UGGT2: variants seen among roughly 807,000 people sequenced by gnomAD.
UGGT2 encodes the protein UDP-glucose:glycoprotein glucosyltransferase 2.
In UGGT2, 180 loss-of-function variants were observed where a neutral mutation model predicts 192.1. The ratio of observed to expected loss-of-function variants is 0.94; its 90% CI spans 0.83 to 1.06. The LOEUF (loss-of-function observed/expected upper bound fraction) is 1.06. UGGT2 is among the 50% of genes least tolerant of loss of function. The pLI, the probability that UGGT2 is intolerant of heterozygous loss-of-function variation, is 0.00. For synonymous variants in UGGT2, 580 were observed against 591.0 expected, an observed-to-expected ratio of 0.98 and a Z score of 0.27; for missense variants, 1,849 against 1,795.7, an observed-to-expected ratio of 1.03 and a Z score of -0.54.
At chr13:95,853,741 C>T (rs1400906088) in intron 35 of UGGT2, 84 bp from the exon 36 acceptor site, 13 of 829,680 alleles carry the variant, frequency 1.6e-5, no homozygotes, top group South Asian at 3.8e-5. Context: ...TCTACAGTGA[C>T]GGTATTAACT....
intron 7 of UGGT2, among the ~76,000 whole-genome samples, chr13:95,995,074 A>G (rs1288167791): frequency 1.3e-5 from 2 of 152,136 alleles, no homozygotes; most frequent in Admixed American, 1.3e-4. Flanking sequence ...TAATGAAAAA[A>G]ACTTCCATCT....
chr13:95,877,127 C>T, intron 29 of UGGT2, 152 bp downstream of exon 29: 1 of 461,638 alleles, frequency 2.2e-6, no homozygotes, highest in African/African-American at 3.1e-5. Context: ...TGTGATCTGC[C>T]TGCCTCGGCC....
In UGGT2 at chr13:95,970,119, G is replaced by A. The variant is rs1305056533; in HGVS notation, c.1328C>T (p.Ser443Phe). 1 of 1,605,792 alleles carries A rather than the reference G, an allele frequency of 6.2e-7. No homozygotes were observed. Among genetic ancestry groups the A allele is most frequent in the East Asian group, 2.2e-5 (1 of 44,726 alleles). Residue 443 changes from serine (S) to phenylalanine (F), a missense_variant, in exon 12 of 39, where the codon TCT becomes TTT. Physicochemically the swap from Ser to Phe is radical, Grantham distance 155. Transcript: ENST00000376747. ...AATAGCATAAGCACTTACCATTATAGAAGAATGTCGAATATCTAATACATA... is the reference window on the plus strand; with the variant it reads ...AATAGCATAAGCACTTACCATTATAAAAGAATGTCGAATATCTAATACATA... ...YTYVLDIRHSSIMWINDLEND... is the reference protein window; with the variant it reads ...YTYVLDIRHSFIMWINDLEND...
chr13:95,902,733 A>G (rs2048143888), intron 21 of UGGT2, 121 bp downstream of exon 21: 2 of 945,120 alleles, frequency 2.1e-6, no homozygotes, highest in African/African-American at 3.3e-5. Flanking sequence ...TTGAAAAGGA[A>G]TGTTTATTAT....
intron 38 of UGGT2, among the ~76,000 whole-genome samples, chr13:95,811,454 G>A (rs906675647): frequency 6.6e-6 from 1 of 152,156 alleles, no homozygotes; most frequent in Non-Finnish European, 1.5e-5. Context: ...GTTGTTCAGG[G>A]TCAGGGAGAT....
intron 5 of UGGT2, among the ~76,000 whole-genome samples, chr13:96,010,044 T>G (rs904427560): frequency 6.6e-6 from 1 of 152,148 alleles, no homozygotes; most frequent in Non-Finnish European, 1.5e-5. Flanking sequence ...ACACTGCCGG[T>G]GGTACTGTAA....
chr13:95,813,245 T>C (rs2139749449), intron 38 of UGGT2, among the ~76,000 whole-genome samples: 1 of 152,256 alleles, frequency 6.6e-6, no homozygotes, highest in East Asian at 1.9e-4. Flanking sequence ...TTGGAACATC[T>C]CAGAGATTGG....
At chr13:95,891,286 A>G (rs755714872) in intron 24 of UGGT2, among the ~76,000 whole-genome samples, 4 of 152,192 alleles carry the variant, frequency 2.6e-5, no homozygotes, top group Non-Finnish European at 4.4e-5. Context: ...TAAAAAATAA[A>G]GCTAAGATGC....
chr13:95,845,655 T>C (rs1350979381), intron 36 of UGGT2, among the ~76,000 whole-genome samples: 1 of 152,004 alleles, frequency 6.6e-6, no homozygotes, highest in African/African-American at 2.4e-5. Context: ...GCCATCGTCA[T>C]CATGGCCCGT....
chr13:95,940,762 T>C (rs2049650451), intron 15 of UGGT2, among the ~76,000 whole-genome samples: 1 of 151,056 alleles, frequency 6.6e-6, no homozygotes, highest in Admixed American at 6.7e-5. Flanking sequence ...GATAAATTTT[T>C]TTGTATTTTT....
At chr13:95,953,137 T>C (rs1036236805) in intron 12 of UGGT2, among the ~76,000 whole-genome samples, 1 of 152,218 alleles carries the variant, frequency 6.6e-6, no homozygotes, top group Admixed American at 6.5e-5. Flanking sequence ...ACATTATATG[T>C]GAAATTTCAA....
At chr13:95,902,172 T>A (rs569846232) in intron 21 of UGGT2, among the ~76,000 whole-genome samples, 1 of 152,280 alleles carries the variant, frequency 6.6e-6, no homozygotes, top group Admixed American at 6.5e-5. Flanking sequence ...TAATCTCAAG[T>A]GGACCCTCAG....
intron 38 of UGGT2, among the ~76,000 whole-genome samples, chr13:95,819,240 CT>C (rs1293742474): frequency 6.6e-6 from 1 of 152,122 alleles, no homozygotes; most frequent in Non-Finnish European, 1.5e-5. Context: ...CATTTGTCAA[CT>C]TTCAACATCA....
intron 36 of UGGT2, among the ~76,000 whole-genome samples, chr13:95,851,744 AAGGACAATCATC>A (rs1889070286): frequency 6.6e-6 from 1 of 152,222 alleles, no homozygotes; most frequent in Non-Finnish European, 1.5e-5. Flanking sequence ...ACATTTGAGT[AAGGACAATCATC>A]CCCAAAATGT....
chr13:96,047,635 A>G (rs527327807), intron 1 of UGGT2, among the ~76,000 whole-genome samples: 1 of 152,328 alleles, frequency 6.6e-6, no homozygotes, highest in South Asian at 2.1e-4. Flanking sequence ...AAAGGGATGG[A>G]GGAAGATCTA....
intron 1 of UGGT2, among the ~76,000 whole-genome samples, chr13:96,046,848 T>G (rs559322751): frequency 6.6e-6 from 1 of 152,174 alleles, no homozygotes; most frequent in Non-Finnish European, 1.5e-5. Flanking sequence ...AAGAGTCCCA[T>G]GTCCACGGAG....
intron 38 of UGGT2, among the ~76,000 whole-genome samples, chr13:95,829,217 T>A (rs1055663053): frequency 2.0e-5 from 3 of 152,188 alleles, no homozygotes; most frequent in African/African-American, 7.2e-5. Flanking sequence ...AGTATCATAC[T>A]GAATGGGCAA....
In UGGT2 at chr13:95,892,292, T is replaced by C. The variant is rs528561113; in HGVS notation, c.2856-1328A>G. 1.1e-4 allele frequency among the ~76,000 whole-genome samples: 16 copies of C among 152,238 alleles called. 1 individual carries two copies. The highest frequency in any genetic ancestry group is 2.6e-4 in the Admixed American group (4 of 15,272). On this transcript the variant is annotated intron_variant, in intron 24 of 38. Transcript: ENST00000376747. ...TACAAGACAGTTCTGAGTAGAATCCTGAGCCCACTAGTAGATAGTACACTG... is the reference window on the plus strand; with the variant it reads ...TACAAGACAGTTCTGAGTAGAATCCCGAGCCCACTAGTAGATAGTACACTG...
chr13:96,003,012 CT>C (rs1305422688), intron 5 of UGGT2, among the ~76,000 whole-genome samples: 1 of 152,154 alleles, frequency 6.6e-6, no homozygotes, highest in Non-Finnish European at 1.5e-5. Flanking sequence ...TTCAGAGTTC[CT>C]TAGCTGCGGT....
Sources: allele counts gnomAD v4.1 joint callset (sites outside exome capture counted in the v4.1 genomes callset), GRCh38; gene constraint gnomAD v4.1.1; transcripts MANE v1.5; gene names NCBI Gene and HGNC (gene_info 2026-07-23, HGNC 2026-07-21).